Variants in DENND2A observed in about 807,000 individuals in gnomAD.
DENND2A encodes DENN domain containing 2A, also known as DENN domain-containing protein 2A.
In DENND2A, 53 loss-of-function variants were observed where a neutral mutation model predicts 105.3. That is an observed-to-expected ratio of 0.50 (90% CI 0.40 to 0.63). The LOEUF is 0.63. Among genes scored for constraint, DENND2A ranks in the 30% least tolerant of loss-of-function variants. The probability of loss-of-function intolerance (pLI) is 0.00; values close to 1 mark genes in which losing one functional copy is unlikely to be tolerated. For synonymous variants in DENND2A, 522 were observed against 508.4 expected, an observed-to-expected ratio of 1.03 and a Z score of -0.36; for missense variants, 1,138 against 1,279.6, an observed-to-expected ratio of 0.89 and a Z score of 1.69.
chr7:140,588,690 C>T (rs970380087), intron 3 of DENND2A, among the ~76,000 whole-genome samples: 3 of 152,200 alleles, frequency 2.0e-5, no homozygotes, highest in South Asian at 4.1e-4. Flanking sequence ...GCCTGGGCCT[C>T]CCAAAGTGCT....
chr7:140,542,189 T>G (rs1796691280), intron 14 of DENND2A, among the ~76,000 whole-genome samples: 1 of 152,144 alleles, frequency 6.6e-6, no homozygotes, highest in African/African-American at 2.4e-5. Flanking sequence ...GTGCCCCCAG[T>G]TCCAAAGCAA....
intron 14 of DENND2A, among the ~76,000 whole-genome samples, chr7:140,538,461 A>T (rs961561117): frequency 1.3e-5 from 2 of 152,094 alleles, no homozygotes; most frequent in Non-Finnish European, 2.9e-5. Flanking sequence ...AGTACTGGGG[A>T]TGAGGGTACC....
chr7:140,540,773 G>A (rs1242345658), intron 14 of DENND2A, among the ~76,000 whole-genome samples: 12 of 151,774 alleles, frequency 7.9e-5, no homozygotes, highest in Non-Finnish European at 1.6e-4. Context: ...GCAGGAGTGC[G>A]ATGGCATGAT....
Position 140,583,378 on chromosome 7 carries a change from T to C in DENND2A, c.1245+2211A>G, listed in dbSNP as rs929314098. 1.1e-4 allele frequency among the ~76,000 whole-genome samples: 16 copies of C among 149,758 alleles called. 1 individual carries two copies. The highest frequency in any genetic ancestry group is 4.1e-4 in the African/African-American group (16 of 39,254). On this transcript the variant is annotated intron_variant, in intron 5 of 19. Coordinates refer to ENST00000496613, the MANE Select transcript of DENND2A (RefSeq NM_015689.5). ...TGGTTTAACTGAGTGTTACAGATAA[T>C]CAGAGAGAAAGAAGTCCCAGGGATT...
At chr7:140,626,649 C>T (rs147150841) in intron 1 of DENND2A, among the ~76,000 whole-genome samples, 2 of 152,188 alleles carry the variant, frequency 1.3e-5, no homozygotes, top group East Asian at 3.9e-4. Flanking sequence ...CTGTCCTCCT[C>T]TTCCTTTCCT....
intron 5 of DENND2A, among the ~76,000 whole-genome samples, chr7:140,574,678 A>G (rs1798232106): frequency 6.6e-6 from 1 of 152,068 alleles, no homozygotes; most frequent in South Asian, 2.1e-4. Context: ...TATACAAGGA[A>G]TTGTGTTTCT....
chr7:140,522,199 A>C, intron 17 of DENND2A, 99 bp from the exon 18 acceptor site: 1 of 1,459,088 alleles, frequency 6.9e-7, no homozygotes, highest in East Asian at 2.4e-5. Flanking sequence ...AGTAACTGCT[A>C]GTTCCCTTGA....
At chr7:140,544,881 G>T in intron 13 of DENND2A, 115 bp from the exon 14 acceptor site, 1 of 1,475,820 alleles carries the variant, frequency 6.8e-7, no homozygotes. Flanking sequence ...CCACTGGTGG[G>T]GGAAAAGGGA....
At chr7:140,628,079 T>C (rs551875482) in intron 1 of DENND2A, among the ~76,000 whole-genome samples, 9 of 152,302 alleles carry the variant, frequency 5.9e-5, no homozygotes, top group African/African-American at 2.2e-4. Context: ...TGTAAGCCAC[T>C]GTGCCTGGCC....
At chr7:140,598,438 T>G (rs2130678186) in intron 3 of DENND2A, among the ~76,000 whole-genome samples, 1 of 152,358 alleles carries the variant, frequency 6.6e-6, no homozygotes, top group Admixed American at 6.5e-5. Context: ...GCACTACGAT[T>G]TAACACTGTT....
chr7:140,527,583 G>T lies in DENND2A; in HGVS notation c.2328-88C>A, dbSNP rs970072158. 23 of 1,368,456 alleles carry T rather than the reference G, an allele frequency of 1.7e-5. No individual in the cohort carries two copies. Among genetic ancestry groups the T allele is most frequent in the Non-Finnish European group, 2.2e-5 (22 of 1,018,060 alleles). 84.8% of individuals were successfully genotyped at this position (1,368,456 alleles called of 1,614,324 possible). On this transcript the variant is annotated intron_variant, in intron 14 of 19. Transcript: ENST00000496613. The surrounding 1 kb of genome is among the most constrained non-coding windows in gnomAD (Gnocchi z 4.9). ...GGGAGAAGGCTCCTCCCAGAGACAG[G>T]ATGACTAGGAAAGGACACACGTGGA...
intron 11 of DENND2A, 97 bp downstream of exon 11, chr7:140,558,046 A>C: frequency 3.3e-6 from 3 of 921,744 alleles, no homozygotes; most frequent in South Asian, 1.5e-5. Flanking sequence ...TCATCAGGGA[A>C]TCTCAGTCTC....
chr7:140,542,957 G>A (rs1304882814), intron 14 of DENND2A, among the ~76,000 whole-genome samples: 1 of 152,020 alleles, frequency 6.6e-6, no homozygotes, highest in Non-Finnish European at 1.5e-5. Flanking sequence ...CTGACTACTT[G>A]TTCTGAGTGT....
intron 1 of DENND2A, among the ~76,000 whole-genome samples, chr7:140,614,394 C>T (rs898918383): frequency 6.6e-6 from 1 of 152,116 alleles, no homozygotes; most frequent in African/African-American, 2.4e-5. Flanking sequence ...TGTGAGCCAC[C>T]GCACCTGGCC....
chr7:140,566,489 A>C (rs973260612), intron 9 of DENND2A, among the ~76,000 whole-genome samples: 1 of 152,142 alleles, frequency 6.6e-6, no homozygotes, highest in Admixed American at 6.5e-5. Context: ...ACAGCACACA[A>C]GCAAAGCAGA....
intron 1 of DENND2A, among the ~76,000 whole-genome samples, chr7:140,626,362 T>C (rs1335945273): frequency 6.6e-6 from 1 of 152,178 alleles, no homozygotes; most frequent in Non-Finnish European, 1.5e-5. Flanking sequence ...TCTGAAGGCT[T>C]TCCTGCTGTT....
intron 14 of DENND2A, 139 bp downstream of exon 14, chr7:140,544,479 G>A (rs1287419088): frequency 8.9e-7 from 1 of 1,129,840 alleles, no homozygotes; most frequent in African/African-American, 1.5e-5. Context: ...ACAGGTGTGA[G>A]TCACCGCGCC....
At chr7:140,628,542 T>TC (rs1363356917) in intron 1 of DENND2A, among the ~76,000 whole-genome samples, 4 of 147,526 alleles carry the variant, frequency 2.7e-5, no homozygotes, top group East Asian at 2.0e-4. Context: ...CTTTCTTTTT[T>TC]TTTTTTTTTT....
intron 6 of DENND2A, among the ~76,000 whole-genome samples, chr7:140,569,950 A>G (rs1008747721): frequency 6.6e-6 from 1 of 151,894 alleles, no homozygotes; most frequent in Non-Finnish European, 1.5e-5. Flanking sequence ...ACTGGGGTGC[A>G]ATGGCGCAAT....
Sources: gnomAD v4.1 joint callset for allele counts (sites outside exome capture counted in the v4.1 genomes callset) on GRCh38, gnomAD v4.1.1 for gene constraint, Gnocchi (gnomAD v3.1) non-coding constraint, MANE v1.5 for transcripts, NCBI Gene and HGNC (gene_info 2026-07-23, HGNC 2026-07-21) for gene names.